The following SHISA6 variants were observed in gnomAD, a reference collection of about 807,000 sequenced individuals.
SHISA6 encodes protein shisa-6.
Under a neutral mutation model 47.9 loss-of-function variants are expected in SHISA6, and 22 were observed. That is an observed-to-expected ratio of 0.46 (90% CI 0.33 to 0.66). The LOEUF (loss-of-function observed/expected upper bound fraction) is 0.66. Among genes scored for constraint, SHISA6 ranks in the 30% least tolerant of loss-of-function variants. The pLI, the probability that SHISA6 is intolerant of heterozygous loss-of-function variation, is 0.02. For missense variants in SHISA6, 680 were observed against 764.6 expected, an observed-to-expected ratio of 0.89 and a Z score of 1.30; for synonymous variants, 388 against 337.8, an observed-to-expected ratio of 1.15 and a Z score of -1.63.
chr17:11,495,672 A>T (rs940355647), intron 3 of SHISA6, among the ~76,000 whole-genome samples: 14 of 152,190 alleles, frequency 9.2e-5, no homozygotes, highest in Non-Finnish European at 2.1e-4. Flanking sequence ...GACTGCAAGG[A>T]TGCAAGGCAT....
chr17:11,419,003 G>T (rs1304126896), intron 3 of SHISA6, among the ~76,000 whole-genome samples: 1 of 151,914 alleles, frequency 6.6e-6, no homozygotes, highest in East Asian at 1.9e-4. Flanking sequence ...TTCCAGGAAG[G>T]TCAAGAATAT....
In SHISA6 at chr17:11,444,213, G is replaced by A. The variant is rs1320457695; in HGVS notation, c.895+64704G>A. On this transcript the variant is annotated intron_variant, in intron 3 of 5. Coordinates refer to ENST00000441885, the MANE Select transcript of SHISA6 (RefSeq NM_207386.4). ...ACACGCCTGTAGTCCCCACTACTCA[G>A]GAGGCTGAGGCACAAGAATAACTTG... Among the ~76,000 whole-genome samples, 44 of 152,176 alleles carry A rather than the reference G, an allele frequency of 2.9e-4. 1 individual carries two copies. The highest frequency in any genetic ancestry group is 2.9e-3 in the Admixed American group (44 of 15,278).
intron 2 of SHISA6, among the ~76,000 whole-genome samples, chr17:11,272,825 G>A (rs889335474): frequency 1.3e-5 from 2 of 152,184 alleles, no homozygotes; most frequent in South Asian, 4.1e-4. Context: ...TAGGATGAAA[G>A]AACAGAGCAA....
At chr17:11,375,386 TC>T (rs1912765670) in intron 2 of SHISA6, among the ~76,000 whole-genome samples, 1 of 152,152 alleles carries the variant, frequency 6.6e-6, no homozygotes, top group Admixed American at 6.5e-5. Context: ...CATTGGACTC[TC>T]CTTTATCAGC....
intron 2 of SHISA6, among the ~76,000 whole-genome samples, chr17:11,310,982 C>T (rs1910311106): frequency 6.6e-6 from 1 of 151,948 alleles, no homozygotes; most frequent in Admixed American, 6.6e-5. Context: ...TGGCAGGTGC[C>T]TGTAGTCCCA....
At chr17:11,268,787 C>T (rs1908527846) in intron 2 of SHISA6, among the ~76,000 whole-genome samples, 1 of 152,172 alleles carries the variant, frequency 6.6e-6, no homozygotes, top group African/African-American at 2.4e-5. Flanking sequence ...ATCCTAGTTG[C>T]TCAAGAGCTG....
chr17:11,369,287 A>G (rs1455457187), intron 2 of SHISA6, among the ~76,000 whole-genome samples: 1 of 152,192 alleles, frequency 6.6e-6, no homozygotes, highest in Non-Finnish European at 1.5e-5. Flanking sequence ...AACCTCTCTG[A>G]GACTTAACTC....
chr17:11,262,370 A>G (rs1292651977), intron 1 of SHISA6, among the ~76,000 whole-genome samples: 1 of 152,136 alleles, frequency 6.6e-6, no homozygotes, highest in Non-Finnish European at 1.5e-5. Flanking sequence ...ACGGGAGTGC[A>G]TTGAGGACTG....
chr17:11,255,735 G>C (rs536063972), intron 1 of SHISA6, among the ~76,000 whole-genome samples: 1 of 152,254 alleles, frequency 6.6e-6, no homozygotes, highest in Non-Finnish European at 1.5e-5. Flanking sequence ...GTGCTGTGTG[G>C]CTCCCCCACC....
intron 3 of SHISA6, among the ~76,000 whole-genome samples, chr17:11,460,675 G>A (rs979853008): frequency 4.6e-5 from 7 of 152,228 alleles, no homozygotes; most frequent in Non-Finnish European, 8.8e-5. Flanking sequence ...ACAGGCATGA[G>A]CCAGTGATGA....
chr17:11,423,326 T>TAG (rs1555534343), intron 3 of SHISA6, among the ~76,000 whole-genome samples: 56 of 142,676 alleles, frequency 3.9e-4, no homozygotes, highest in East Asian at 1.6e-3. Flanking sequence ...GTAACATATA[T>TAG]ATAGATAGAT....
intron 3 of SHISA6, among the ~76,000 whole-genome samples, chr17:11,403,607 C>T (rs1176835500): frequency 1.3e-5 from 2 of 152,184 alleles, no homozygotes; most frequent in Non-Finnish European, 2.9e-5. Flanking sequence ...GGGTGGGTGT[C>T]AGCATGGCAT....
At chr17:11,550,596 T>C (rs181856367) in intron 3 of SHISA6, among the ~76,000 whole-genome samples, 69 of 152,254 alleles carry the variant, frequency 4.5e-4, no homozygotes, top group African/African-American at 1.5e-3. Context: ...GTGACGATGA[T>C]TGAAGTTTCA....
chr17:11,350,203 G>A (rs572782472), intron 2 of SHISA6, among the ~76,000 whole-genome samples: 8 of 99,746 alleles, frequency 8.0e-5, no homozygotes, highest in Admixed American at 3.2e-4. Context: ...TTTTTGAGAC[G>A]GAGTCTCGCT....
intron 3 of SHISA6, among the ~76,000 whole-genome samples, chr17:11,449,110 T>C (rs1208008562): frequency 6.6e-6 from 1 of 152,086 alleles, no homozygotes; most frequent in Non-Finnish European, 1.5e-5. Context: ...TTGACATGAA[T>C]GATATGTAGG....
Position 11,495,993 on chromosome 17 carries a change from TCATCCATC to T in SHISA6, c.896-55870_896-55863del, listed in dbSNP as rs10642001. On this transcript the variant is annotated intron_variant, in intron 3 of 5. Coordinates refer to ENST00000441885, the MANE Select transcript of SHISA6 (RefSeq NM_207386.4). ...CTGGCCCATCCTTCTATTTATCCAT[TCATCCATC>T]CATCCATCCATCCATCCATCCATCC... is the stretch of plus-strand genomic sequence containing the variant. Among the ~76,000 whole-genome samples, 416 of 148,852 alleles carry T rather than the reference TCATCCATC, an allele frequency of 2.8e-3. 4 individuals are homozygous for T. The highest frequency in any genetic ancestry group is 1.0e-2 in the African/African-American group (401 of 40,240).
chr17:11,463,553 G>A (rs1915741725), intron 3 of SHISA6, among the ~76,000 whole-genome samples: 1 of 152,066 alleles, frequency 6.6e-6, no homozygotes, highest in Admixed American at 6.5e-5. Flanking sequence ...ACATTTTGCT[G>A]TCCTTTATTA....
chr17:11,264,098 G>T (rs1177504725), intron 2 of SHISA6, among the ~76,000 whole-genome samples: 1 of 152,036 alleles, frequency 6.6e-6, no homozygotes, highest in Non-Finnish European at 1.5e-5. Context: ...AAAATGGCAG[G>T]GCTTATTTTC....
chr17:11,481,622 A>G (rs1363067173), intron 3 of SHISA6, among the ~76,000 whole-genome samples: 1 of 151,472 alleles, frequency 6.6e-6, no homozygotes, highest in Non-Finnish European at 1.5e-5. Flanking sequence ...CCTCCAGAGT[A>G]GCTGGGACTA....
Sources: gnomAD v4.1 joint callset for allele counts (sites outside exome capture counted in the v4.1 genomes callset) on GRCh38, gnomAD v4.1.1 for gene constraint, MANE v1.5 for transcripts, NCBI Gene and HGNC (gene_info 2026-07-23, HGNC 2026-07-21) for gene names.